The following GPC6 variants were observed in gnomAD, a reference collection of about 807,000 sequenced individuals.
The protein encoded by GPC6 is glypican-6.
GPC6 carries 14 observed loss-of-function variants against 55.2 expected under a neutral mutation model. The observed-to-expected ratio is 0.25, with a 90% confidence interval of 0.17 to 0.40. The LOEUF is 0.40. GPC6 is among the 10% of genes least tolerant of loss of function. The pLI, the probability that GPC6 is intolerant of heterozygous loss-of-function variation, is 1.00. For synonymous variants in GPC6, 278 were observed against 259.6 expected (o/e 1.07, Z -0.68); for missense variants, 641 against 708.5 (o/e 0.90, Z 1.08).
intron 2 of GPC6, among the ~76,000 whole-genome samples, chr13:93,817,633 T>C (rs1354072529): frequency 1.3e-5 from 2 of 152,004 alleles, no homozygotes; most frequent in Non-Finnish European, 2.9e-5. Context: ...CCGAGGTAGG[T>C]AGATGGCTTG....
At chr13:93,354,754 C>T (rs964556370) in intron 1 of GPC6, among the ~76,000 whole-genome samples, 8 of 152,166 alleles carry the variant, frequency 5.3e-5, no homozygotes, top group African/African-American at 1.9e-4. Flanking sequence ...TGAAGACCTT[C>T]AATTTGTGAA....
At chr13:93,751,943 C>T (rs2138863785) in intron 2 of GPC6, among the ~76,000 whole-genome samples, 1 of 152,216 alleles carries the variant, frequency 6.6e-6, no homozygotes, top group African/African-American at 2.4e-5. Flanking sequence ...GTATGTATGT[C>T]AGTGTGGCTT....
intron 1 of GPC6, among the ~76,000 whole-genome samples, chr13:93,454,697 C>G (rs1878369552): frequency 6.6e-6 from 1 of 152,262 alleles, no homozygotes; most frequent in Non-Finnish European, 1.5e-5. Flanking sequence ...CAAGGCCCCA[C>G]CAGACTCAGG....
intron 2 of GPC6, among the ~76,000 whole-genome samples, chr13:93,726,541 A>T (rs1054780278): frequency 4.6e-5 from 7 of 152,078 alleles, no homozygotes; most frequent in Non-Finnish European, 5.9e-5. Flanking sequence ...AAAATTTCAT[A>T]ACCCTTCTAA....
At position 94,384,004 on chromosome 13, in the gene GPC6, C is replaced by T. The variant is rs576233312; in HGVS notation, c.1289+1454C>T. ...GGAAACCACCCCCTTGATCCAAGGT[C>T]CTGTTCTCAACACATAGGGATTATG... On this transcript the variant is annotated intron_variant, in intron 7 of 8. Coordinates refer to ENST00000377047, the MANE Select transcript of GPC6 (RefSeq NM_005708.5). Among the ~76,000 whole-genome samples the T allele has an allele frequency of 2.0e-5, 3 of 152,276 alleles. No homozygotes were observed. The South Asian group carries it at 6.2e-4, about 32-fold the overall frequency.
At chr13:93,231,397 G>GTATATA (rs71123471) in intron 1 of GPC6, among the ~76,000 whole-genome samples, 718 of 45,196 alleles carry the variant, frequency 0.016, 13 homozygotes, top group Non-Finnish European at 0.021. Context: ...ATATATATAT[G>GTATATA]TATATATATA....
chr13:93,235,087 A>G (rs1038801122), intron 1 of GPC6, among the ~76,000 whole-genome samples: 3 of 152,226 alleles, frequency 2.0e-5, no homozygotes, highest in African/African-American at 4.8e-5. Context: ...ATCAGTAATG[A>G]TATTTGGTAC....
rs1052218144 is a variant in GPC6 at position 93,227,976 on chromosome 13, T to C, written c.160+360T>C. Among the ~76,000 whole-genome samples, 16 of 152,094 alleles carry C rather than the reference T, an allele frequency of 1.1e-4. No individual in the cohort carries two copies. The highest frequency in any genetic ancestry group is 3.9e-4 in the African/African-American group (16 of 41,444). On this transcript the variant is annotated intron_variant, in intron 1 of 8. Transcript: ENST00000377047. The surrounding 1 kb of genome is among the most constrained non-coding windows in gnomAD (Gnocchi z 4.3). ...ACGGAGAGCCGAGCCGGGCGCTCAC[T>C]CCGCGTTCTGGTTCGGGCAAACTTG...
intron 1 of GPC6, among the ~76,000 whole-genome samples, chr13:93,295,051 G>C (rs1878438021): frequency 6.9e-6 from 1 of 145,038 alleles, no homozygotes; most frequent in Non-Finnish European, 1.5e-5. Flanking sequence ...TGGGCAGATT[G>C]CTTGAGCCTC....
chr13:94,249,794 G>A (rs1218044558), intron 4 of GPC6, among the ~76,000 whole-genome samples: 1 of 152,100 alleles, frequency 6.6e-6, no homozygotes. Flanking sequence ...CGTTTGACAA[G>A]CTTGATGGCC....
At chr13:93,565,473 C>T (rs1876052165) in intron 2 of GPC6, among the ~76,000 whole-genome samples, 1 of 152,098 alleles carries the variant, frequency 6.6e-6, no homozygotes, top group African/African-American at 2.4e-5. Flanking sequence ...TTGCCTTTTC[C>T]AATAATTGAG....
At chr13:93,463,232 A>T (rs954981330) in intron 1 of GPC6, among the ~76,000 whole-genome samples, 1 of 152,154 alleles carries the variant, frequency 6.6e-6, no homozygotes, top group African/African-American at 2.4e-5. Flanking sequence ...TGAAATATAA[A>T]TGTTTTATTA....
intron 4 of GPC6, among the ~76,000 whole-genome samples, chr13:94,246,231 G>C (rs1395399865): frequency 1.3e-5 from 2 of 151,998 alleles, no homozygotes; most frequent in Admixed American, 1.3e-4. Context: ...TTACTGAATT[G>C]TATTGGCTCT....
intron 3 of GPC6, among the ~76,000 whole-genome samples, chr13:93,935,370 T>C (rs1014447975): frequency 1.3e-5 from 2 of 152,200 alleles, no homozygotes; most frequent in African/African-American, 4.8e-5. Flanking sequence ...TATTTGATTT[T>C]CTGTTACTCA....
intron 2 of GPC6, among the ~76,000 whole-genome samples, chr13:93,720,112 G>A (rs1297317163): frequency 6.6e-6 from 1 of 152,054 alleles, no homozygotes; most frequent in Non-Finnish European, 1.5e-5. Flanking sequence ...GAGTTAGGGA[G>A]GATTCCCTCT....
intron 4 of GPC6, among the ~76,000 whole-genome samples, chr13:94,269,052 T>C (rs1383914588): frequency 6.6e-6 from 1 of 152,142 alleles, no homozygotes; most frequent in Non-Finnish European, 1.5e-5. Context: ...TTTTTCAAAA[T>C]GAGGCGAAGA....
chr13:93,835,480 G>A (rs1431786974), intron 3 of GPC6, among the ~76,000 whole-genome samples: 4 of 152,064 alleles, frequency 2.6e-5, no homozygotes, highest in Admixed American at 6.5e-5. Flanking sequence ...CTGGCCAGGC[G>A]CAGGGCTCAC....
At chr13:93,991,427 C>G (rs1881301525) in intron 3 of GPC6, among the ~76,000 whole-genome samples, 2 of 152,140 alleles carry the variant, frequency 1.3e-5, no homozygotes, top group Non-Finnish European at 2.9e-5. Context: ...CTCTACCACA[C>G]TATTTTATCC....
intron 4 of GPC6, among the ~76,000 whole-genome samples, chr13:94,212,759 AT>A (rs1248016419): frequency 1.3e-5 from 2 of 152,230 alleles, no homozygotes; most frequent in Non-Finnish European, 2.9e-5. Context: ...CATGATATGT[AT>A]TATTTCAGTG....
Sources: gnomAD v4.1 joint callset for allele counts (sites outside exome capture counted in the v4.1 genomes callset) on GRCh38, gnomAD v4.1.1 for gene constraint, Gnocchi (gnomAD v3.1) non-coding constraint, MANE v1.5 for transcripts, NCBI Gene and HGNC (gene_info 2026-07-23, HGNC 2026-07-21) for gene names.